GK5: variants seen among roughly 807,000 people sequenced by gnomAD.
The protein encoded by GK5 is glycerol kinase 5.
GK5 carries 39 observed loss-of-function variants against 77.3 expected under a neutral mutation model. The observed-to-expected ratio is 0.50, with a 90% CI of 0.39 to 0.66. GK5 has a LOEUF of 0.66. GK5 is among the 30% of genes least tolerant of loss of function. The pLI, the probability that GK5 is intolerant of heterozygous loss-of-function variation, is 0.00. For missense variants in GK5, 487 were observed against 633.8 expected (o/e 0.77, Z 2.49); for synonymous variants, 211 against 208.0 (o/e 1.01, Z -0.13).
At chr3:142,209,148 CAA>C (rs200845861) in intron 3 of GK5, among the ~76,000 whole-genome samples, 2 of 132,020 alleles carry the variant, frequency 1.5e-5, no homozygotes, top group Admixed American at 7.8e-5. Context: ...GACTCCGCCT[CAA>C]AAAAAAAAAA....
chr3:142,170,052 T>C (rs1286606722), intron 15 of GK5: 5 of 496,160 alleles, frequency 1.0e-5, no homozygotes, highest in South Asian at 2.1e-5. Context: ...ACCCAGAGAC[T>C]GTCTGTTGCT....
At chr3:142,225,159 G>A (rs1458648254) in intron 1 of GK5, 150 bp downstream of exon 1, 6 of 780,670 alleles carry the variant, frequency 7.7e-6, no homozygotes, top group African/African-American at 1.9e-5. Flanking sequence ...GCCGGTCTGG[G>A]CGCGCCGTTC....
Position 142,199,225 on chromosome 3 carries a change from C to T in GK5, c.412-292G>A, listed in dbSNP as rs201733733. 8.6e-5 allele frequency among the ~76,000 whole-genome samples: 13 copies of T among 151,920 alleles called. No individual in the cohort carries two copies. The East Asian group carries it at 2.3e-3, about 27-fold the overall frequency. On this transcript the variant is annotated intron_variant, in intron 4 of 15. Transcript: ENST00000392993. ...AACAACTATATTTTTACCTCTCTAC[C>T]TATTTTTAACTATGATAGTTAAAGG...
At chr3:142,186,355 ATATT>A in intron 7 of GK5, 88 bp from the exon 8 acceptor site, 1 of 958,274 alleles carries the variant, frequency 1.0e-6, no homozygotes, top group South Asian at 1.6e-5. Context: ...TGTACATGAT[ATATT>A]TGTCAATTAA....
intron 5 of GK5, among the ~76,000 whole-genome samples, chr3:142,191,820 CTAAA>C (rs931359842): frequency 6.6e-6 from 1 of 151,960 alleles, no homozygotes; most frequent in African/African-American, 2.4e-5. Context: ...GACTCTGTCT[CTAAA>C]TAAATAAATA....
intron 10 of GK5, among the ~76,000 whole-genome samples, chr3:142,181,819 T>C (rs955690868): frequency 1.3e-5 from 2 of 152,120 alleles, no homozygotes; most frequent in East Asian, 1.9e-4. Flanking sequence ...AATTAACACA[T>C]AAAAAGAACT....
intron 15 of GK5, among the ~76,000 whole-genome samples, chr3:142,168,121 A>G (rs73236073): frequency 1.3e-5 from 2 of 152,362 alleles, no homozygotes; most frequent in Non-Finnish European, 2.9e-5. Context: ...TAAGGTGAAA[A>G]GTGTAGAAGA....
At chr3:142,190,167 A>G (rs2063829036) in intron 5 of GK5, among the ~76,000 whole-genome samples, 1 of 152,228 alleles carries the variant, frequency 6.6e-6, no homozygotes, top group African/African-American at 2.4e-5. Flanking sequence ...TGAAGAGTGA[A>G]TAATAGATTG....
intron 15 of GK5, among the ~76,000 whole-genome samples, chr3:142,169,673 T>C (rs2063512650): frequency 6.8e-6 from 1 of 148,090 alleles, no homozygotes; most frequent in Non-Finnish European, 1.5e-5. Flanking sequence ...ACTGTTCTTT[T>C]TTTTTTTTTT....
At chr3:142,185,223 G>A (rs1429622445) in intron 9 of GK5, 3 of 540,860 alleles carry the variant, frequency 5.5e-6, no homozygotes, top group Admixed American at 1.3e-4. Flanking sequence ...ATCAGCCAGG[G>A]GAACACAGCA....
In GK5 at chr3:142,225,534, G is replaced by T. The variant is rs1264615997; in HGVS notation, c.-79C>A. ...AATCCCAATGCTCCAGAGTCCCCGG[G>T]CGGCCCAACCCGGGCCCCAACCCGG... is the stretch of plus-strand genomic sequence containing the variant. On this transcript the variant is annotated 5_prime_UTR_variant, in exon 1 of 16. Transcript: ENST00000392993. The T allele has an allele frequency of 3.3e-6, 5 of 1,518,792 alleles. No individual in the cohort carries two copies. The highest frequency in any genetic ancestry group is 2.0e-5 in the Admixed American group (1 of 49,824). The allele number at this position is 1,518,792 out of a possible 1,614,324, so 94.1% of individuals were successfully genotyped here. A position where few individuals can be genotyped will look rare whatever the true frequency, so the allele number is the denominator to read the frequency against.
chr3:142,188,628 T>C lies in GK5; in HGVS notation c.544-849A>G, dbSNP rs193101097. Among the ~76,000 whole-genome samples the C allele has an allele frequency of 3.7e-4, 57 of 152,380 alleles. 2 individuals carry two copies. Among genetic ancestry groups the C allele is most frequent in the Admixed American group, 3.4e-3 (52 of 15,312 alleles). On this transcript the variant is annotated intron_variant, in intron 5 of 15. Coordinates refer to ENST00000392993, the MANE Select transcript of GK5 (RefSeq NM_001039547.3). ...CTGTTTTTGTACAGCAAATTAAAAA[T>C]GGTTTTCATAATTTTTAATGGTTAA...
chr3:142,191,323 C>T (rs373869464), intron 5 of GK5, among the ~76,000 whole-genome samples: 6 of 151,874 alleles, frequency 4.0e-5, no homozygotes, highest in East Asian at 2.0e-4. Context: ...CCACTGCGCC[C>T]GGCAAGAAGT....
At chr3:142,199,169 C>G (rs1005054161) in intron 4 of GK5, among the ~76,000 whole-genome samples, 1 of 152,028 alleles carries the variant, frequency 6.6e-6, no homozygotes, top group African/African-American at 2.4e-5. Flanking sequence ...ACCAGATGCT[C>G]AGGTACTTAT....
At chr3:142,176,658 ATTTTTTTTTTT>A (rs1219207632) in intron 12 of GK5, among the ~76,000 whole-genome samples, 1 of 105,196 alleles carries the variant, frequency 9.5e-6, no homozygotes, top group Admixed American at 1.1e-4. Context: ...GGAGATTTTG[ATTTTTTTTTTT>A]TTTTTTTTTT....
chr3:142,189,049 CCTT>C (rs1263698714), intron 5 of GK5, among the ~76,000 whole-genome samples: 1 of 152,184 alleles, frequency 6.6e-6, no homozygotes, highest in Non-Finnish European at 1.5e-5. Flanking sequence ...CTCCCACACT[CCTT>C]CTAACTCAGT....
chr3:142,221,604 T>C (rs1454288519), intron 1 of GK5, among the ~76,000 whole-genome samples: 1 of 152,222 alleles, frequency 6.6e-6, no homozygotes, highest in East Asian at 1.9e-4. Context: ...GTATTACTCT[T>C]TGGAGTGACC....
Position 142,165,587 on chromosome 3 carries a change from C to T in GK5, c.*35G>A, listed in dbSNP as rs1213428970. The T allele has an allele frequency of 1.9e-6, 3 of 1,546,222 alleles. No individual in the cohort carries two copies. The highest frequency in any genetic ancestry group is 2.6e-6 in the Non-Finnish European group (3 of 1,143,490). On this transcript the variant is annotated 3_prime_UTR_variant, in exon 16 of 16. Coordinates refer to ENST00000392993, the MANE Select transcript of GK5 (RefSeq NM_001039547.3). The stretch of plus-strand genomic sequence containing the variant: ...TCATCTCATCTGCACGTCACATAAA[C>T]CAGCTACCTATGGTTTTGATCATTT...
chr3:142,204,864 C>A (rs1475569769), intron 3 of GK5, 76 bp from the exon 4 acceptor site: 4 of 785,984 alleles, frequency 5.1e-6, no homozygotes, highest in Non-Finnish European at 8.5e-6. Flanking sequence ...TAAGAGAAAA[C>A]AAAATTAGAG....
Sources: allele counts gnomAD v4.1 joint callset (sites outside exome capture counted in the v4.1 genomes callset), GRCh38; gene constraint gnomAD v4.1.1; transcripts MANE v1.5; gene names NCBI Gene and HGNC (gene_info 2026-07-23, HGNC 2026-07-21).